Variants in MPP7 observed in about 807,000 individuals in gnomAD.
MPP7 encodes the protein MAGUK p55 scaffold protein 7.
MPP7 carries 60 observed loss-of-function variants against 76.5 expected under a neutral mutation model. That is an observed-to-expected ratio of 0.78 (90% confidence interval 0.64 to 0.97). The LOEUF is 0.97. Ranked by LOEUF, MPP7 falls within the 50% of genes least tolerant of loss-of-function variation. The probability of loss-of-function intolerance (pLI) is 0.00; values close to 1 mark genes in which losing one functional copy is unlikely to be tolerated. For synonymous variants in MPP7, 237 were observed against 244.5 expected (o/e 0.97, Z 0.29); for missense variants, 641 against 694.0 (o/e 0.92, Z 0.86).
At chr10:28,202,679 G>A (rs1837818045) in intron 2 of MPP7, among the ~76,000 whole-genome samples, 2 of 152,068 alleles carry the variant, frequency 1.3e-5, no homozygotes, top group Admixed American at 6.6e-5. Flanking sequence ...GAATTGATAG[G>A]GTGGCCCATT....
At chr10:28,159,925 A>G (rs944203493) in intron 3 of MPP7, among the ~76,000 whole-genome samples, 2 of 152,324 alleles carry the variant, frequency 1.3e-5, no homozygotes, top group Non-Finnish European at 1.5e-5. Context: ...AACAACAAAA[A>G]GCCACACATT....
Position 28,229,576 on chromosome 10 carries a change from A to G in MPP7, c.37+8992T>C, listed in dbSNP as rs535111442. 3.3e-5 allele frequency among the ~76,000 whole-genome samples: 5 copies of G among 152,270 alleles called. No homozygotes were observed. In the South Asian group the frequency reaches 1.0e-3, roughly 32 times the overall value. ...AATGGTAATATGTGAGGAACTCTAA[A>G]TGAATACTGATAGTATAAAACTGTG... On this transcript the variant is annotated intron_variant, in intron 2 of 16. Transcript: ENST00000683449.
At chr10:28,099,476 A>C (rs1390112734) in intron 11 of MPP7, among the ~76,000 whole-genome samples, 2 of 152,212 alleles carry the variant, frequency 1.3e-5, no homozygotes, top group Non-Finnish European at 1.5e-5. Context: ...GTCTTGACTC[A>C]TAACAGAGGA....
At chr10:28,075,998 C>T (rs182521634) in intron 12 of MPP7, among the ~76,000 whole-genome samples, 13 of 152,082 alleles carry the variant, frequency 8.5e-5, no homozygotes, top group Non-Finnish European at 1.8e-4. Flanking sequence ...TTGAATGAAC[C>T]AAAGGAGTGT....
At chr10:28,234,292 C>T (rs1838994265) in intron 2 of MPP7, among the ~76,000 whole-genome samples, 1 of 152,132 alleles carries the variant, frequency 6.6e-6, no homozygotes, top group Non-Finnish European at 1.5e-5. Context: ...ATAAAGTAGT[C>T]ATGGCTTATA....
At chr10:28,119,762 C>T (rs1307660898) in intron 10 of MPP7, 47 bp from the exon 11 acceptor site, 10 of 1,438,452 alleles carry the variant, frequency 7.0e-6, no homozygotes, top group Admixed American at 3.5e-5. Context: ...AGCACAGGTC[C>T]GAGGTGAATA....
At chr10:28,256,845 A>C (rs1429211698) in intron 1 of MPP7, among the ~76,000 whole-genome samples, 1 of 152,204 alleles carries the variant, frequency 6.6e-6, no homozygotes, top group Non-Finnish European at 1.5e-5. Context: ...CCATTAGACT[A>C]TAAATTCCTT....
chr10:28,214,921 G>A (rs6481511), intron 2 of MPP7, among the ~76,000 whole-genome samples: 26,992 of 151,996 alleles, frequency 0.18, 2,740 homozygotes, highest in African/African-American at 0.27. Context: ...GCTCCTGGGG[G>A]TAACATCACT....
At chr10:28,118,400 G>T in intron 11 of MPP7, 1 of 981,332 alleles carries the variant, frequency 1.0e-6, no homozygotes, top group Non-Finnish European at 1.2e-6. Flanking sequence ...TATGGATCCA[G>T]ATTCGAGTAT....
chr10:28,140,584 C>G (rs964936496), intron 5 of MPP7, among the ~76,000 whole-genome samples: 7 of 152,042 alleles, frequency 4.6e-5, no homozygotes, highest in Non-Finnish European at 1.0e-4. Context: ...TTACTCATTT[C>G]TGGTATGCAG....
intron 11 of MPP7, among the ~76,000 whole-genome samples, chr10:28,103,557 A>C (rs1853935171): frequency 6.6e-6 from 1 of 152,032 alleles, no homozygotes; most frequent in African/African-American, 2.4e-5. Flanking sequence ...CAGCTCCCTC[A>C]TCACCCCATC....
intron 12 of MPP7, among the ~76,000 whole-genome samples, chr10:28,089,465 A>G (rs1286915956): frequency 1.3e-5 from 2 of 152,204 alleles, no homozygotes; most frequent in African/African-American, 2.4e-5. Flanking sequence ...CACTAAAACG[A>G]CAGTACCGTT....
intron 3 of MPP7, among the ~76,000 whole-genome samples, chr10:28,157,778 T>A (rs569988721): frequency 1.4e-4 from 21 of 152,224 alleles, no homozygotes; most frequent in Non-Finnish European, 2.5e-4. Flanking sequence ...CCCACATTCA[T>A]CTCTGAGTCT....
At chr10:28,109,848 CAAA>C (rs869206744) in intron 11 of MPP7, among the ~76,000 whole-genome samples, 5 of 19,220 alleles carry the variant, frequency 2.6e-4, no homozygotes, top group South Asian at 2.9e-3. Context: ...GCCGCAGACG[CAAA>C]AAAAAAAAAA....
At chr10:28,148,558 A>G (rs1194826373) in intron 4 of MPP7, among the ~76,000 whole-genome samples, 1 of 152,196 alleles carries the variant, frequency 6.6e-6, no homozygotes, top group Non-Finnish European at 1.5e-5. Flanking sequence ...TAAATTGTAC[A>G]CAAAAAATAA....
chr10:28,330,487 T>TA (rs1262138690), intron 1 of MPP7, among the ~76,000 whole-genome samples: 1 of 140,382 alleles, frequency 7.1e-6, no homozygotes, highest in South Asian at 2.2e-4. Flanking sequence ...TAGACTTTTT[T>TA]AAAAAAAGCA....
At position 28,181,945 on chromosome 10, in the gene MPP7, G is replaced by A. The variant is rs554716581; in HGVS notation, c.156+20208C>T. Among the ~76,000 whole-genome samples the A allele has an allele frequency of 2.6e-5, 4 of 152,310 alleles. No homozygotes were observed. The South Asian group carries it at 6.2e-4, about 24-fold the overall frequency. ...ATACATGCTTTCAGTAAGACCCAGT[G>A]AGCTAATAAGGATTTTGTGTTAAAT... On this transcript the variant is annotated intron_variant, in intron 3 of 16. Coordinates refer to ENST00000683449, the MANE Select transcript of MPP7 (RefSeq NM_001318170.2).
intron 5 of MPP7, 91 bp downstream of exon 5, chr10:28,147,392 T>C (rs1835742791): frequency 1.0e-6 from 1 of 953,610 alleles, no homozygotes; most frequent in South Asian, 1.3e-5. Flanking sequence ...ATACATTTAC[T>C]TGAGAATTGA....
At chr10:28,292,105 A>G (rs1840934832) in intron 1 of MPP7, among the ~76,000 whole-genome samples, 2 of 152,176 alleles carry the variant, frequency 1.3e-5, no homozygotes, top group South Asian at 4.1e-4. Context: ...TACAAATACC[A>G]TTATGTTCCA....
Sources: allele counts gnomAD v4.1 joint callset (sites outside exome capture counted in the v4.1 genomes callset), GRCh38; gene constraint gnomAD v4.1.1; transcripts MANE v1.5; gene names NCBI Gene and HGNC (gene_info 2026-07-23, HGNC 2026-07-21).